FRMD6: variants seen among roughly 807,000 people sequenced by gnomAD.
The protein encoded by FRMD6 is FERM domain-containing protein 6.
Under a neutral mutation model 73.2 loss-of-function variants are expected in FRMD6, and 37 were observed. The observed-to-expected ratio is 0.51, with a 90% confidence interval of 0.39 to 0.66. The LOEUF (loss-of-function observed/expected upper bound fraction) is 0.66. Among genes scored for constraint, FRMD6 ranks in the 30% least tolerant of loss-of-function variants. The pLI, the probability that FRMD6 is intolerant of heterozygous loss-of-function variation, is 0.00. For synonymous variants in FRMD6, 273 were observed against 282.2 expected (o/e 0.97, Z 0.33); for missense variants, 714 against 780.5 (o/e 0.91, Z 1.02).
At chr14:51,636,576 G>C (rs1487630100) in intron 2 of FRMD6, among the ~76,000 whole-genome samples, 1 of 152,214 alleles carries the variant, frequency 6.6e-6, no homozygotes, top group African/African-American at 2.4e-5. Flanking sequence ...GTTTTTGTGA[G>C]GCAAATGAGA....
intron 2 of FRMD6, among the ~76,000 whole-genome samples, chr14:51,593,831 A>G (rs10136325): frequency 0.023 from 3,512 of 152,266 alleles, 149 homozygotes; most frequent in African/African-American, 0.081. Flanking sequence ...ATATAAATAC[A>G]CACATATATC....
At chr14:51,650,994 C>G (rs1482267650), upstream of FRMD6, 1 of 152,552 alleles carries the variant, frequency 6.6e-6, no homozygotes, top group Non-Finnish European at 1.5e-5. Context: ...CTGGTGGGCG[C>G]AGACTGACCG....
chr14:51,521,800 T>C (rs1258948523), intron 1 of FRMD6, among the ~76,000 whole-genome samples: 1 of 152,114 alleles, frequency 6.6e-6, no homozygotes, highest in Non-Finnish European at 1.5e-5. Context: ...GGAATTCAGC[T>C]CTTATTTCAT....
rs777928146 is a variant in FRMD6 at position 51,728,081 on chromosome 14, G to A, written c.*52G>A. On this transcript the variant is annotated 3_prime_UTR_variant, in exon 14 of 14. Transcript: ENST00000344768. ...CAGCTTACTGTTTGCTAGAGGATGC[G>A]AAAGTCATAAGTTCTTTACATATTA... 27 of 1,526,920 alleles carry A rather than the reference G, an allele frequency of 1.8e-5. No homozygotes were observed. Among genetic ancestry groups the A allele is most frequent in the East Asian group, 9.1e-5 (4 of 43,914 alleles). 94.6% of individuals were successfully genotyped at this position (1,526,920 alleles called of 1,614,324 possible). A position where few individuals can be genotyped will look rare whatever the true frequency, so the allele number is the denominator to read the frequency against.
chr14:51,613,592 C>T (rs185440199), intron 2 of FRMD6, among the ~76,000 whole-genome samples: 57 of 152,190 alleles, frequency 3.7e-4, no homozygotes, highest in African/African-American at 1.3e-3. Context: ...TCCAAGGCAG[C>T]GCAACTCCAA....
chr14:51,703,037 T>C (rs1001921864), intron 5 of FRMD6, among the ~76,000 whole-genome samples: 1 of 152,038 alleles, frequency 6.6e-6, no homozygotes, highest in African/African-American at 2.4e-5. Flanking sequence ...TGGGTGTTTA[T>C]ATAATCGGTT....
chr14:51,542,626 A>G (rs188977107), intron 1 of FRMD6, among the ~76,000 whole-genome samples: 10 of 152,098 alleles, frequency 6.6e-5, no homozygotes, highest in Admixed American at 6.6e-4. Flanking sequence ...CTTGTTTTTC[A>G]TGAGTATATA....
chr14:51,558,602 A>G (rs1353185968), intron 1 of FRMD6, among the ~76,000 whole-genome samples: 1 of 152,216 alleles, frequency 6.6e-6, no homozygotes. Flanking sequence ...CAAAAATGTC[A>G]TAATATAGTA....
upstream of FRMD6, among the ~76,000 whole-genome samples, chr14:51,485,362 A>C (rs192677278): frequency 2.6e-5 from 4 of 152,328 alleles, no homozygotes; most frequent in East Asian, 7.7e-4. Flanking sequence ...CCCTAATCCA[A>C]TAGGACCTCA....
the FRMD6 span, among the ~76,000 whole-genome samples, chr14:51,457,510 T>C: frequency 1.3e-5 from 2 of 152,184 alleles, no homozygotes; most frequent in African/African-American, 2.4e-5. Flanking sequence ...TTGAAGCTAA[T>C]GATGTGGCAA....
rs1463329681 is a variant in FRMD6 at position 51,654,508 on chromosome 14, A to G, written c.-147+2512A>G. Among the ~76,000 whole-genome samples, 5 of 151,950 alleles carry G rather than the reference A, an allele frequency of 3.3e-5. No individual in the cohort carries two copies. In the East Asian group the frequency reaches 9.6e-4, roughly 29 times the overall value. Reference sequence around the variant, plus strand: ...TGTAAATGAGTCCTGTCTCACAACTAACTTTTTTGATAAAGGAATTCTTTG... The same window carrying G: ...TGTAAATGAGTCCTGTCTCACAACTGACTTTTTTGATAAAGGAATTCTTTG... On this transcript the variant is annotated intron_variant, in intron 1 of 13. Transcript: ENST00000344768.
chr14:51,607,363 G>A (rs533187105), intron 2 of FRMD6, among the ~76,000 whole-genome samples: 31 of 152,252 alleles, frequency 2.0e-4, no homozygotes, highest in African/African-American at 7.5e-4. Context: ...GTATTATTGT[G>A]TATCCAGTTT....
chr14:51,491,707 T>C (rs760338923), intron 1 of FRMD6, among the ~76,000 whole-genome samples: 13 of 152,176 alleles, frequency 8.5e-5, no homozygotes, highest in Non-Finnish European at 1.9e-4. Flanking sequence ...TGCTGGGGGA[T>C]TCAAATCTAA....
chr14:51,630,331 C>T (rs746958186), intron 2 of FRMD6, among the ~76,000 whole-genome samples: 1 of 152,066 alleles, frequency 6.6e-6, no homozygotes, highest in Non-Finnish European at 1.5e-5. Context: ...AGCACAGGCA[C>T]AGAGTGTAGG....
chr14:51,605,386 C>T (rs1273533325), intron 2 of FRMD6, among the ~76,000 whole-genome samples: 1 of 152,110 alleles, frequency 6.6e-6, no homozygotes, highest in Middle Eastern at 3.2e-3. Context: ...AAGCACTTTA[C>T]ATATATTTGC....
At chr14:51,433,247 AT>A in the FRMD6 span, among the ~76,000 whole-genome samples, 1 of 152,238 alleles carries the variant, frequency 6.6e-6, no homozygotes, top group Non-Finnish European at 1.5e-5. Flanking sequence ...AAGATTGTTC[AT>A]TGAAGCATGA....
chr14:51,586,945 G>A (rs1889084454), intron 2 of FRMD6, among the ~76,000 whole-genome samples: 1 of 151,946 alleles, frequency 6.6e-6, no homozygotes, highest in Non-Finnish European at 1.5e-5. Flanking sequence ...ACAGAGTCTC[G>A]CCATGTTGCC....
At chr14:51,442,579 C>A in the FRMD6 span, among the ~76,000 whole-genome samples, 2 of 152,182 alleles carry the variant, frequency 1.3e-5, no homozygotes, top group African/African-American at 4.8e-5. Flanking sequence ...TTACTATCTT[C>A]TGCTTATTAA....
chr14:51,518,580 T>C (rs1001607902), intron 1 of FRMD6, among the ~76,000 whole-genome samples: 21 of 152,220 alleles, frequency 1.4e-4, no homozygotes, highest in African/African-American at 4.8e-4. Flanking sequence ...TAAATACTAT[T>C]ATAATGGTGG....
Sources: allele counts gnomAD v4.1 joint callset (sites outside exome capture counted in the v4.1 genomes callset), GRCh38; gene constraint gnomAD v4.1.1; transcripts MANE v1.5; gene names NCBI Gene and HGNC (gene_info 2026-07-23, HGNC 2026-07-21).